RBMS3: variants seen among roughly 807,000 people sequenced by gnomAD.
RBMS3 encodes the protein RNA-binding motif, single-stranded-interacting protein 3.
RBMS3 carries 27 observed loss-of-function variants against 66.8 expected under a neutral mutation model. The ratio of observed to expected loss-of-function variants is 0.40; its 90% CI spans 0.30 to 0.56. The LOEUF is 0.56. RBMS3 is among the 20% of genes least tolerant of loss of function. The pLI is 0.40. For synonymous variants in RBMS3, 188 were observed against 183.0 expected, an observed-to-expected ratio of 1.03 and a Z score of -0.22; for missense variants, 513 against 549.5, an observed-to-expected ratio of 0.93 and a Z score of 0.66.
In RBMS3 at chr3:29,487,867, A is replaced by T. The variant is rs560696437; in HGVS notation, c.249-574A>T. Among the ~76,000 whole-genome samples the T allele has an allele frequency of 2.0e-5, 3 of 152,324 alleles. No individual in the cohort carries two copies. In the East Asian group the frequency reaches 5.8e-4, roughly 29 times the overall value. ...TTAGCCAACCAAATATACCCAGGCT[A>T]AATTAGGATTTGAACCATGATAGTT... On this transcript the variant is annotated intron_variant, in intron 2 of 14. Coordinates refer to ENST00000383767, the MANE Select transcript of RBMS3 (RefSeq NM_001003793.3).
At position 29,941,525 on chromosome 3, in the gene RBMS3, A is replaced by T. The variant is rs1397638355; in HGVS notation, c.1051-2682A>T. Among the ~76,000 whole-genome samples, 5 of 151,924 alleles carry T rather than the reference A, an allele frequency of 3.3e-5. No individual in the cohort carries two copies. In the South Asian group the frequency reaches 6.2e-4, roughly 19 times the overall value. On this transcript the variant is annotated intron_variant, in intron 11 of 14. Transcript: ENST00000383767. ...AATATATCTAAAAAGGTAATAGTTT[A>T]AAAAAATTGGTTTAGTCTTACTTTA...
Position 29,880,709 on chromosome 3 carries a change from A to C in RBMS3, c.745-3453A>C, listed in dbSNP as rs760603931. On this transcript the variant is annotated intron_variant, in intron 7 of 14. Transcript: ENST00000383767. ...AACAACCCTTTGCTTAACCCATGCC[A>C]TGTTGTTACCCACAATGTTCCAAAT... is the stretch of plus-strand genomic sequence containing the variant. 3.0e-4 allele frequency: 420 copies of C among 1,405,588 alleles called. 1 individual carries two copies. The highest frequency in any genetic ancestry group is 3.8e-4 in the Non-Finnish European group (389 of 1,028,258). 87.1% of individuals were successfully genotyped at this position (1,405,588 alleles called of 1,614,324 possible). A position where few individuals can be genotyped will look rare whatever the true frequency, so the allele number is the denominator to read the frequency against.
At chr3:29,355,079 T>G (rs1483170048) in intron 1 of RBMS3, among the ~76,000 whole-genome samples, 3 of 152,264 alleles carry the variant, frequency 2.0e-5, no homozygotes, top group African/African-American at 7.2e-5. Flanking sequence ...GCCCACACTC[T>G]TATACACTGT....
intron 1 of RBMS3, among the ~76,000 whole-genome samples, chr3:29,369,804 G>A (rs2038101891): frequency 2.0e-5 from 3 of 152,032 alleles, no homozygotes. Flanking sequence ...CCAAATTGGT[G>A]ATAGGTGGGA....
chr3:29,490,907 A>G (rs977488636), intron 3 of RBMS3, among the ~76,000 whole-genome samples: 10 of 152,114 alleles, frequency 6.6e-5, no homozygotes, highest in African/African-American at 2.4e-4. Flanking sequence ...TCAAGCACCA[A>G]TCAGAAGCAC....
intron 1 of RBMS3, among the ~76,000 whole-genome samples, chr3:29,401,068 C>A (rs7431496): frequency 0.14 from 20,695 of 151,716 alleles, 1,790 homozygotes; most frequent in East Asian, 0.38. Flanking sequence ...AGGGAGAGCA[C>A]GATACAATAA....
chr3:29,844,187 A>G (rs1357879039), intron 6 of RBMS3, among the ~76,000 whole-genome samples: 2 of 152,210 alleles, frequency 1.3e-5, no homozygotes, highest in African/African-American at 4.8e-5. Flanking sequence ...TTCTAATTGT[A>G]AAATAACTGA....
At chr3:29,416,667 T>A (rs9849469) in intron 1 of RBMS3, among the ~76,000 whole-genome samples, 2 of 151,828 alleles carry the variant, frequency 1.3e-5, no homozygotes, top group South Asian at 4.1e-4. Flanking sequence ...TTTTGTGGTC[T>A]GAATGGTTTC....
chr3:29,779,725 A>ATATATATATATATATATATAT (rs1301512844), intron 6 of RBMS3, among the ~76,000 whole-genome samples: 57 of 144,850 alleles, frequency 3.9e-4, no homozygotes, highest in Non-Finnish European at 5.1e-4. Context: ...ATATATATAT[A>ATATATATATATATATATATAT]AACAACCCCA....
chr3:29,475,210 T>G (rs1460181012), intron 2 of RBMS3, among the ~76,000 whole-genome samples: 1 of 152,050 alleles, frequency 6.6e-6, no homozygotes, highest in East Asian at 1.9e-4. Context: ...TACAATGCAT[T>G]TGTCAGTAAG....
chr3:29,399,763 G>C (rs751371968), intron 1 of RBMS3, among the ~76,000 whole-genome samples: 10 of 152,096 alleles, frequency 6.6e-5, no homozygotes, highest in Non-Finnish European at 1.3e-4. Context: ...ATTATGCCTT[G>C]TTGGCTAGAA....
chr3:29,938,525 C>T (rs928776377), intron 11 of RBMS3, among the ~76,000 whole-genome samples: 24 of 151,936 alleles, frequency 1.6e-4, no homozygotes, highest in African/African-American at 5.3e-4. Flanking sequence ...TTTGTTGATT[C>T]GTTTAACAAA....
At chr3:29,351,496 C>T (rs1172045522) in intron 1 of RBMS3, among the ~76,000 whole-genome samples, 1 of 152,084 alleles carries the variant, frequency 6.6e-6, no homozygotes, top group Non-Finnish European at 1.5e-5. Flanking sequence ...TATATATCTA[C>T]TTCATTACAA....
chr3:29,987,794 T>TA (rs1055773620), intron 12 of RBMS3, among the ~76,000 whole-genome samples: 1 of 151,938 alleles, frequency 6.6e-6, no homozygotes, highest in African/African-American at 2.4e-5. Context: ...TAAAAGAGAG[T>TA]AAAAAAGAGA....
At chr3:29,421,118 A>G (rs991464547) in intron 1 of RBMS3, among the ~76,000 whole-genome samples, 1 of 100,582 alleles carries the variant, frequency 9.9e-6, no homozygotes, top group African/African-American at 4.2e-5. Flanking sequence ...GTCCCTAAAG[A>G]AAAAAAAAAA....
At chr3:29,954,539 G>A (rs1016362314) in intron 12 of RBMS3, among the ~76,000 whole-genome samples, 2 of 151,914 alleles carry the variant, frequency 1.3e-5, no homozygotes, top group Admixed American at 1.3e-4. Context: ...TTTGGGGTGA[G>A]AACCATATGA....
At chr3:29,298,358 T>A (rs1236788358) in intron 1 of RBMS3, among the ~76,000 whole-genome samples, 3 of 151,892 alleles carry the variant, frequency 2.0e-5, no homozygotes, top group African/African-American at 7.2e-5. Context: ...CTTACAACAG[T>A]GCTAGTCAGT....
At chr3:29,651,790 G>A (rs188571400) in intron 4 of RBMS3, among the ~76,000 whole-genome samples, 1 of 152,156 alleles carries the variant, frequency 6.6e-6, no homozygotes, top group East Asian at 1.9e-4. Flanking sequence ...ATGGCAGTTT[G>A]GATGGTTGAT....
chr3:29,479,349 T>C (rs993541383), intron 2 of RBMS3, among the ~76,000 whole-genome samples: 4 of 150,864 alleles, frequency 2.7e-5, no homozygotes, highest in African/African-American at 9.7e-5. Context: ...TGTAATCCAA[T>C]CATTAGTGGG....
Sources: gnomAD v4.1 joint callset for allele counts (sites outside exome capture counted in the v4.1 genomes callset) on GRCh38, gnomAD v4.1.1 for gene constraint, MANE v1.5 for transcripts, NCBI Gene and HGNC (gene_info 2026-07-23, HGNC 2026-07-21) for gene names.